Variants in WDFY3 observed in about 807,000 individuals in gnomAD.
WDFY3 encodes the protein WD repeat and FYVE domain-containing protein 3.
A neutral mutation model predicts 409.6 loss-of-function variants in WDFY3; 66 were observed. The observed-to-expected ratio is 0.16, with a 90% confidence interval of 0.13 to 0.20. The LOEUF (loss-of-function observed/expected upper bound fraction) is 0.20. WDFY3 is among the 10% of genes least tolerant of loss of function. WDFY3 has a pLI of 1.00. For missense variants in WDFY3, 3,031 were observed against 4,298.1 expected (o/e 0.71, Z 8.24); for synonymous variants, 1,521 against 1,537.1 (o/e 0.99, Z 0.25).
chr4:84,703,094 CAAA>C (rs766684218), intron 55 of WDFY3, among the ~76,000 whole-genome samples: 2 of 107,726 alleles, frequency 1.9e-5, no homozygotes, highest in African/African-American at 3.5e-5. Context: ...GACTCTGTCT[CAAA>C]AAAAAAAAAA....
chr4:84,772,401 T>C (rs867580871), intron 30 of WDFY3, among the ~76,000 whole-genome samples: 24 of 152,302 alleles, frequency 1.6e-4, no homozygotes, highest in South Asian at 4.1e-4. Context: ...AGTGATACTA[T>C]GTTATTTTTC....
At chr4:84,739,193 C>T (rs1737980960) in intron 39 of WDFY3, 74 bp from the exon 40 acceptor site, 1 of 1,414,260 alleles carries the variant, frequency 7.1e-7, no homozygotes, top group African/African-American at 1.4e-5. Flanking sequence ...AAGAATTACT[C>T]TATTTCCATT....
chr4:84,849,776 G>A, intron 5 of WDFY3, 126 bp downstream of exon 5: 6 of 1,309,596 alleles, frequency 4.6e-6, no homozygotes, highest in Non-Finnish European at 5.2e-6. Context: ...GAAAGGGAAA[G>A]GGAATGGGTA....
intron 13 of WDFY3, among the ~76,000 whole-genome samples, chr4:84,812,653 T>C (rs1328850151): frequency 6.6e-6 from 1 of 151,936 alleles, no homozygotes; most frequent in African/African-American, 2.4e-5. Context: ...GAGGGGTGAG[T>C]TCAAAGTTAA....
intron 20 of WDFY3, 51 bp downstream of exon 20, chr4:84,794,827 TA>T: frequency 6.6e-6 from 10 of 1,520,834 alleles, no homozygotes; most frequent in Non-Finnish European, 8.8e-6. Context: ...CTCTAAATTA[TA>T]TATAATCTAC....
chr4:84,806,754 C>T (rs1389707236), intron 15 of WDFY3, among the ~76,000 whole-genome samples: 2 of 151,844 alleles, frequency 1.3e-5, no homozygotes, highest in African/African-American at 4.8e-5. Context: ...TACAGGTGCA[C>T]GCTGCCATGC....
intron 7 of WDFY3, among the ~76,000 whole-genome samples, chr4:84,833,688 A>AAAGAAAAGAAAAGAGAAGAGAAGAG (rs754643352): frequency 7.2e-4 from 107 of 149,598 alleles, no homozygotes; most frequent in African/African-American, 1.8e-3. Flanking sequence ...AAAGAAAAGA[A>AAAGAAAAGAAAAGAGAAGAGAAGAG]AAGAGAAGAG....
chr4:84,714,806 C>T lies in WDFY3; in HGVS notation c.7961+492G>A, dbSNP rs1453073010. On this transcript the variant is annotated intron_variant, in intron 50 of 67. Coordinates refer to ENST00000295888, the MANE Select transcript of WDFY3 (RefSeq NM_014991.6). ...TGTACTAAAAATACAAAAAATAAGC[C>T]GGGGATGGTGGCGGGTGCCTGCAGT... Among the ~76,000 whole-genome samples the T allele has an allele frequency of 2.0e-5, 3 of 151,848 alleles. No homozygotes were observed. In the East Asian group the frequency reaches 5.8e-4, roughly 29 times the overall value.
intron 1 of WDFY3, among the ~76,000 whole-genome samples, chr4:84,949,910 T>C (rs1404414674): frequency 6.6e-6 from 1 of 152,102 alleles, no homozygotes; most frequent in Non-Finnish European, 1.5e-5. Flanking sequence ...GTGGCTAAGG[T>C]GGGAAGCCAA....
intron 40 of WDFY3, 69 bp downstream of exon 40, chr4:84,738,941 T>G (rs1162472491): frequency 7.2e-6 from 11 of 1,537,200 alleles, no homozygotes; most frequent in Non-Finnish European, 9.9e-6. Flanking sequence ...AGCCAATTTG[T>G]TGGTTATGTC....
At chr4:84,755,621 C>T (rs769410521) in intron 33 of WDFY3, among the ~76,000 whole-genome samples, 1 of 152,094 alleles carries the variant, frequency 6.6e-6, no homozygotes, top group Non-Finnish European at 1.5e-5. Flanking sequence ...CTGCATTCTG[C>T]CTTAGGTACC....
intron 37 of WDFY3, among the ~76,000 whole-genome samples, chr4:84,743,493 G>T (rs1359665102): frequency 6.6e-6 from 1 of 152,018 alleles, no homozygotes; most frequent in Non-Finnish European, 1.5e-5. Flanking sequence ...AGAGTAAAAT[G>T]ACAAATTCAT....
chr4:84,741,532 C>G (rs193207512), intron 38 of WDFY3, among the ~76,000 whole-genome samples: 2 of 152,136 alleles, frequency 1.3e-5, no homozygotes, highest in African/African-American at 4.8e-5. Context: ...TCAGGCTGGT[C>G]TCCAACTTCT....
At chr4:84,871,901 G>A (rs534846361) in intron 3 of WDFY3, among the ~76,000 whole-genome samples, 41 of 152,264 alleles carry the variant, frequency 2.7e-4, no homozygotes, top group African/African-American at 6.3e-4. Flanking sequence ...CCCAAAGTGC[G>A]AGGATTACAG....
chr4:84,833,265 T>C (rs1756020536), intron 7 of WDFY3, among the ~76,000 whole-genome samples: 1 of 152,194 alleles, frequency 6.6e-6, no homozygotes. Flanking sequence ...CTTTGCTAAA[T>C]TTTCTCATCT....
At chr4:84,797,937 C>T in intron 18 of WDFY3, 59 bp downstream of exon 18, 1 of 1,382,290 alleles carries the variant, frequency 7.2e-7, no homozygotes, top group Non-Finnish European at 1.0e-6. Context: ...AAATAATATT[C>T]ATCCCCTACA....
chr4:84,891,566 A>G (rs1764959209), intron 3 of WDFY3, among the ~76,000 whole-genome samples: 1 of 152,194 alleles, frequency 6.6e-6, no homozygotes, highest in East Asian at 1.9e-4. Context: ...AAGAATCTAC[A>G]GATTCCGCAG....
intron 47 of WDFY3, among the ~76,000 whole-genome samples, chr4:84,718,801 T>C (rs1734378966): frequency 6.6e-6 from 1 of 152,176 alleles, no homozygotes; most frequent in South Asian, 2.1e-4. Flanking sequence ...ATTCCGGGTG[T>C]ACTTTATGTA....
chr4:84,797,218 A>AT (rs1478606490), intron 18 of WDFY3, among the ~76,000 whole-genome samples: 3 of 152,116 alleles, frequency 2.0e-5, no homozygotes, highest in South Asian at 4.1e-4. Context: ...TGCTTCTCCC[A>AT]TTTTTTCCCC....
Sources: gnomAD v4.1 joint callset for allele counts (sites outside exome capture counted in the v4.1 genomes callset) on GRCh38, gnomAD v4.1.1 for gene constraint, MANE v1.5 for transcripts, NCBI Gene and HGNC (gene_info 2026-07-23, HGNC 2026-07-21) for gene names.